MTBP: variants seen among roughly 807,000 people sequenced by gnomAD.
The protein encoded by MTBP is mdm2-binding protein.
MTBP carries 101 observed loss-of-function variants against 117.0 expected under a neutral mutation model. That is an observed-to-expected ratio of 0.86 (90% CI 0.73 to 1.02). The LOEUF (loss-of-function observed/expected upper bound fraction) is 1.02, where lower values mean the gene tolerates loss of function less well. Ranked by LOEUF, MTBP falls within the 50% of genes least tolerant of loss-of-function variation. The pLI, the probability that MTBP is intolerant of heterozygous loss-of-function variation, is 0.00. For missense variants in MTBP, 970 were observed against 1,030.9 expected (o/e 0.94, Z 0.81); for synonymous variants, 350 against 351.5 (o/e 1.00, Z 0.05).
chr8:120,522,748 T>A, intron 21 of MTBP, 29 bp downstream of exon 21: 1 of 1,517,832 alleles, frequency 6.6e-7, no homozygotes, highest in Non-Finnish European at 9.0e-7. Flanking sequence ...AGAAACTATA[T>A]TCAATTAAAT....
intron 13 of MTBP, among the ~76,000 whole-genome samples, chr8:120,496,341 AACACC>A (rs1167663768): frequency 6.6e-6 from 1 of 152,178 alleles, no homozygotes; most frequent in Non-Finnish European, 1.5e-5. Context: ...TCTCCCCCTC[AACACC>A]TTTCCTTAAA....
intron 17 of MTBP, among the ~76,000 whole-genome samples, chr8:120,512,235 T>C (rs1814827258): frequency 6.6e-6 from 1 of 152,182 alleles, no homozygotes; most frequent in Admixed American, 6.5e-5. Context: ...TTTGCTTTGC[T>C]ACATGGCCAG....
At position 120,497,537 on chromosome 8, in the gene MTBP, C is replaced by A. The variant is rs147041963; in HGVS notation, c.1592C>A (p.Thr531Asn). 2.6e-4 allele frequency: 388 copies of A among 1,514,898 alleles called. 1 individual carries two copies. The African/African-American group carries it at 5.0e-3, about 19-fold the overall frequency. The allele number at this position is 1,514,898 out of a possible 1,614,324, so 93.8% of individuals were successfully genotyped here. A position where few individuals can be genotyped will look rare whatever the true frequency, so the allele number is the denominator to read the frequency against. ...MILRKMDKIK[T>N]FNILNDFSPV... ...CTAAGAAAGATGGACAAAATTAAAA[C>A]CTTCAATATATTAAATGGTAAGTTT... The change falls in exon 14 of 22, where the codon ACC becomes AAC. Residue 531 changes from threonine to asparagine, a missense_variant. Thr to Asn is a moderately conservative substitution (Grantham distance 65). Coordinates refer to ENST00000305949, the MANE Select transcript of MTBP (RefSeq NM_022045.5).
intron 10 of MTBP, among the ~76,000 whole-genome samples, chr8:120,469,488 G>A (rs1031501971): frequency 2.6e-5 from 4 of 152,072 alleles, no homozygotes; most frequent in African/African-American, 9.7e-5. Flanking sequence ...TCCTATGGCC[G>A]GCCGCTATAC....
intron 2 of MTBP, among the ~76,000 whole-genome samples, chr8:120,446,831 A>T (rs576650952): frequency 6.6e-6 from 1 of 152,282 alleles, no homozygotes; most frequent in East Asian, 1.9e-4. Context: ...TCATGAGTAA[A>T]AATATGTAAA....
At chr8:120,499,629 C>T (rs763054425) in intron 14 of MTBP, among the ~76,000 whole-genome samples, 12 of 152,198 alleles carry the variant, frequency 7.9e-5, no homozygotes, top group Admixed American at 2.6e-4. Flanking sequence ...CATATTCTGA[C>T]GACTCATTTG....
intron 11 of MTBP, among the ~76,000 whole-genome samples, chr8:120,482,712 T>A (rs1814113263): frequency 1.3e-5 from 2 of 152,018 alleles, no homozygotes; most frequent in South Asian, 4.1e-4. Flanking sequence ...CTTTCTTTCT[T>A]TTTTTGAGAC....
chr8:120,519,152 A>T (rs960691198), intron 20 of MTBP, among the ~76,000 whole-genome samples: 1 of 150,906 alleles, frequency 6.6e-6, no homozygotes, highest in Non-Finnish European at 1.5e-5. Flanking sequence ...TTCTGCATCC[A>T]TGGGTTAACT....
At chr8:120,506,886 A>G (rs754892633) in intron 16 of MTBP, 25 bp downstream of exon 16, 6 of 1,540,178 alleles carry the variant, frequency 3.9e-6, no homozygotes, top group Non-Finnish European at 3.5e-6. Flanking sequence ...TATAATTTCC[A>G]GTTAACTTTT....
At chr8:120,523,123 C>A (rs945756532) in intron 21 of MTBP, among the ~76,000 whole-genome samples, 175 bp from the exon 22 acceptor site, 1 of 151,982 alleles carries the variant, frequency 6.6e-6, no homozygotes, top group African/African-American at 2.4e-5. Flanking sequence ...ATTGGAAGTC[C>A]AACAAAAATG....
intron 2 of MTBP, 87 bp downstream of exon 2, chr8:120,446,600 A>T (rs1813233755): frequency 1.2e-6 from 1 of 836,756 alleles, no homozygotes. Flanking sequence ...GAGTACAAGG[A>T]AATACTTCTT....
At chr8:120,454,442 G>GT (rs1052567917) in intron 5 of MTBP, among the ~76,000 whole-genome samples, 55 of 151,962 alleles carry the variant, frequency 3.6e-4, no homozygotes, top group Admixed American at 1.8e-3. Context: ...CCTAAAACTG[G>GT]TTTTTTTCTT....
chr8:120,455,213 G>A (rs1813442593), intron 5 of MTBP, among the ~76,000 whole-genome samples: 1 of 151,838 alleles, frequency 6.6e-6, no homozygotes, highest in Admixed American at 6.6e-5. Context: ...AGATAACATG[G>A]CTTTCAATAA....
At chr8:120,446,295 A>C in intron 1 of MTBP, 138 bp from the exon 2 acceptor site, 8 of 619,432 alleles carry the variant, frequency 1.3e-5, no homozygotes, top group Non-Finnish European at 2.3e-5. Context: ...CTGTATCAAA[A>C]CTTGAACAGA....
chr8:120,446,590 G>C (rs1158468581), intron 2 of MTBP, 77 bp downstream of exon 2: 5 of 895,482 alleles, frequency 5.6e-6, no homozygotes, highest in Non-Finnish European at 9.3e-6. Context: ...GGACCCTAAG[G>C]AGTACAAGGA....
At chr8:120,476,213 A>C (rs12549483) in intron 11 of MTBP, among the ~76,000 whole-genome samples, 80,171 of 151,816 alleles carry the variant, frequency 0.53, 24,521 homozygotes, top group Non-Finnish European at 0.67. Context: ...ACACCCCTTC[A>C]TGCTAAAACT....
At chr8:120,495,542 T>A (rs1814434691) in intron 13 of MTBP, among the ~76,000 whole-genome samples, 1 of 151,592 alleles carries the variant, frequency 6.6e-6, no homozygotes, top group Non-Finnish European at 1.5e-5. Context: ...CTTCCTCCCA[T>A]TCTCTCTCTC....
At chr8:120,507,701 G>A (rs896957580) in intron 16 of MTBP, among the ~76,000 whole-genome samples, 1 of 152,060 alleles carries the variant, frequency 6.6e-6, no homozygotes, top group Non-Finnish European at 1.5e-5. Context: ...ATTGCTTTAT[G>A]TGCATGTTCA....
chr8:120,492,149 A>C (rs2130586906), intron 13 of MTBP, among the ~76,000 whole-genome samples: 1 of 152,350 alleles, frequency 6.6e-6, no homozygotes, highest in East Asian at 1.9e-4. Context: ...TGAAATGGCC[A>C]ATTTGCGATC....
Sources: allele counts gnomAD v4.1 joint callset (sites outside exome capture counted in the v4.1 genomes callset), GRCh38; gene constraint gnomAD v4.1.1; transcripts MANE v1.5; gene names NCBI Gene and HGNC (gene_info 2026-07-23, HGNC 2026-07-21).